The following FMN1 variants were observed in gnomAD, a reference collection of about 807,000 sequenced individuals.
FMN1 encodes the protein formin-1.
Under a neutral mutation model 132.4 loss-of-function variants are expected in FMN1, and 110 were observed. That is an observed-to-expected ratio of 0.83 (90% confidence interval 0.71 to 0.97). FMN1 has a LOEUF of 0.97. Ranked by LOEUF, FMN1 falls within the 50% of genes least tolerant of loss-of-function variation. FMN1 has a pLI of 0.00. For synonymous variants in FMN1, 722 were observed against 651.7 expected, an observed-to-expected ratio of 1.11 and a Z score of -1.64; for missense variants, 1,792 against 1,705.3, an observed-to-expected ratio of 1.05 and a Z score of -0.90.
intron 19 of FMN1, among the ~76,000 whole-genome samples, chr15:32,794,782 T>G (rs2057223188): frequency 6.6e-6 from 1 of 152,188 alleles, no homozygotes; most frequent in African/African-American, 2.4e-5. Flanking sequence ...TGAGGCAAAG[T>G]TGCTTCTGAG....
At chr15:32,976,823 C>T (rs2032245237) in intron 7 of FMN1, among the ~76,000 whole-genome samples, 1 of 152,122 alleles carries the variant, frequency 6.6e-6, no homozygotes, top group African/African-American at 2.4e-5. Context: ...TGGTGCTGAC[C>T]TCAAGTAATC....
intron 7 of FMN1, among the ~76,000 whole-genome samples, chr15:32,997,918 A>C (rs1256163955): frequency 6.6e-6 from 1 of 152,208 alleles, no homozygotes; most frequent in Non-Finnish European, 1.5e-5. Context: ...TAAATATCTA[A>C]AAGCTCAAGG....
At chr15:32,997,319 G>GCC (rs2033830480) in intron 7 of FMN1, among the ~76,000 whole-genome samples, 1 of 140,654 alleles carries the variant, frequency 7.1e-6, no homozygotes, top group Non-Finnish European at 1.6e-5. Flanking sequence ...AAATATCACC[G>GCC]TCTTTTTTTT....
At chr15:33,122,973 G>T (rs717411) in intron 4 of FMN1, among the ~76,000 whole-genome samples, 3 of 151,834 alleles carry the variant, frequency 2.0e-5, no homozygotes, top group Non-Finnish European at 1.5e-5. Flanking sequence ...ATCCTGCTAG[G>T]TAATTAATGT....
At chr15:33,077,683 A>G (rs1461794650) in intron 5 of FMN1, among the ~76,000 whole-genome samples, 1 of 151,892 alleles carries the variant, frequency 6.6e-6, no homozygotes, top group Non-Finnish European at 1.5e-5. Flanking sequence ...TGTCTCTACA[A>G]AGGCCATGAA....
chr15:33,188,725 C>T (rs1965975228), intron 2 of FMN1, among the ~76,000 whole-genome samples: 1 of 151,720 alleles, frequency 6.6e-6, no homozygotes, highest in Non-Finnish European at 1.5e-5. Flanking sequence ...GAAACTGAGT[C>T]TGAGAGTTGA....
chr15:32,801,069 C>G (rs773023333), intron 18 of FMN1, among the ~76,000 whole-genome samples: 1 of 152,200 alleles, frequency 6.6e-6, no homozygotes, highest in Non-Finnish European at 1.5e-5. Flanking sequence ...CATGGAACAC[C>G]TGACACCTCT....
At chr15:32,779,324 ATC>A (rs948950467) in intron 19 of FMN1, among the ~76,000 whole-genome samples, 2 of 152,234 alleles carry the variant, frequency 1.3e-5, no homozygotes, top group African/African-American at 4.8e-5. Flanking sequence ...TGTAAATTCT[ATC>A]TCAATACAAC....
At chr15:33,066,054 C>T (rs191947460) in intron 5 of FMN1, among the ~76,000 whole-genome samples, 1 of 152,290 alleles carries the variant, frequency 6.6e-6, no homozygotes, top group African/African-American at 2.4e-5. Context: ...TGGAAGCCTT[C>T]CAACCAATGT....
At chr15:32,819,457 T>C (rs1273763699) in intron 17 of FMN1, among the ~76,000 whole-genome samples, 1 of 152,200 alleles carries the variant, frequency 6.6e-6, no homozygotes, top group East Asian at 1.9e-4. Context: ...TCACTAACTT[T>C]ATTCTGGCAT....
rs1009951837 is a variant in FMN1 at position 33,154,945 on chromosome 15, A to G, written c.-31T>C. 1.2e-5 allele frequency: 18 copies of G among 1,494,976 alleles called. No homozygotes were observed. The Admixed American group carries it at 2.5e-4, about 21-fold the overall frequency. The allele number at this position is 1,494,976 out of a possible 1,614,324, so 92.6% of individuals were successfully genotyped here. On this transcript the variant is annotated 5_prime_UTR_variant, in exon 4 of 21. Coordinates refer to ENST00000616417, the MANE Select transcript of FMN1 (RefSeq NM_001277313.2). Reference sequence around the variant, plus strand: ...CTACCTAATTATTCATGCCTTGGAGATGCCGGTTTGTGGTCAGGCTTCCCA... The same window carrying G: ...CTACCTAATTATTCATGCCTTGGAGGTGCCGGTTTGTGGTCAGGCTTCCCA...
chr15:33,005,402 A>G (rs2034363268), intron 7 of FMN1, among the ~76,000 whole-genome samples: 1 of 152,200 alleles, frequency 6.6e-6, no homozygotes, highest in South Asian at 2.1e-4. Flanking sequence ...AGTTTGGAAC[A>G]TTTTTAATCT....
intron 13 of FMN1, among the ~76,000 whole-genome samples, chr15:32,900,693 GTATTGTC>G (rs1388169735): frequency 6.6e-6 from 1 of 152,122 alleles, no homozygotes; most frequent in Admixed American, 6.5e-5. Flanking sequence ...AGTGCTTGTT[GTATTGTC>G]TATTAACTTT....
intron 20 of FMN1, 146 bp downstream of exon 20, chr15:32,776,689 T>TCC (rs371565425): frequency 5.6e-6 from 1 of 178,350 alleles, no homozygotes; most frequent in Non-Finnish European, 1.0e-5. Flanking sequence ...CACACATACT[T>TCC]TTTTTTTTTT....
chr15:33,002,349 A>G (rs1232677043), intron 7 of FMN1, among the ~76,000 whole-genome samples: 1 of 152,182 alleles, frequency 6.6e-6, no homozygotes, highest in Non-Finnish European at 1.5e-5. Flanking sequence ...TATTTTTCCC[A>G]CTCACTATCT....
chr15:32,826,369 C>G lies in FMN1; in HGVS notation c.3929-22037G>C, dbSNP rs141135353. On this transcript the variant is annotated intron_variant, in intron 17 of 20. Transcript: ENST00000616417. ...CCAACAGTGAAGGTGTTGAAAGACA[C>G]TGAGATCGAATTCCCTGGGGGAAAA... Among the ~76,000 whole-genome samples the G allele has an allele frequency of 8.2e-4, 125 of 152,280 alleles. No individual in the cohort carries two copies. The East Asian group carries it at 0.021, about 26-fold the overall frequency.
intron 17 of FMN1, among the ~76,000 whole-genome samples, chr15:32,843,844 C>T (rs774773004): frequency 4.2e-4 from 64 of 152,202 alleles, no homozygotes; most frequent in Non-Finnish European, 6.3e-4. Flanking sequence ...GTTGAGCACT[C>T]AGGTTTTGCT....
chr15:33,014,484 A>C (rs1400508925), intron 6 of FMN1, among the ~76,000 whole-genome samples: 1 of 152,260 alleles, frequency 6.6e-6, no homozygotes, highest in African/African-American at 2.4e-5. Context: ...ACTCATTTGA[A>C]GTCACATTAG....
chr15:32,878,928 C>A (rs569927367), intron 16 of FMN1, among the ~76,000 whole-genome samples: 1 of 152,306 alleles, frequency 6.6e-6, no homozygotes, highest in African/African-American at 2.4e-5. Flanking sequence ...ACCAGGACAA[C>A]ATAACTCATC....
Sources: gnomAD v4.1 joint callset for allele counts (sites outside exome capture counted in the v4.1 genomes callset) on GRCh38, gnomAD v4.1.1 for gene constraint, MANE v1.5 for transcripts, NCBI Gene and HGNC (gene_info 2026-07-23, HGNC 2026-07-21) for gene names.